The following PDLIM1 variants were observed in gnomAD, a reference collection of about 807,000 sequenced individuals.
PDLIM1 encodes the protein PDZ and LIM domain protein 1.
PDLIM1 carries 25 observed loss-of-function variants against 35.2 expected under a neutral mutation model. That is an observed-to-expected ratio of 0.71 (90% confidence interval 0.52 to 0.99). The LOEUF (loss-of-function observed/expected upper bound fraction) is 0.99. Among genes scored for constraint, PDLIM1 ranks in the 50% least tolerant of loss-of-function variants. PDLIM1 has a pLI of 0.00. For synonymous variants in PDLIM1, 152 were observed against 154.0 expected (o/e 0.99, Z 0.10); for missense variants, 363 against 415.3 (o/e 0.87, Z 1.09).
At position 95,238,637 on chromosome 10, in the gene PDLIM1, G is replaced by C. The variant is rs1422527014; in HGVS notation, c.734C>G (p.Thr245Ser). ...ATTTCCAATCGACGCAGCCACTTTA[G>C]TGACAGGAGCTTTAACACTTCTGAA... ...SGFRSVKAPV[T>S]KVAASIGNAQ... The change falls in exon 6 of 7, where the codon ACT becomes AGT. Residue 245 changes from threonine to serine, a missense_variant. Thr to Ser is a moderately conservative substitution (Grantham distance 58). Transcript: ENST00000329399. 1.2e-6 allele frequency: 2 copies of C among 1,614,128 alleles called. No individual in the cohort carries two copies. Among genetic ancestry groups the C allele is most frequent in the Non-Finnish European group, 1.7e-6 (2 of 1,179,968 alleles).
At chr10:95,245,806 C>CT (rs1400134396) in intron 5 of PDLIM1, among the ~76,000 whole-genome samples, 1 of 152,208 alleles carries the variant, frequency 6.6e-6, no homozygotes, top group South Asian at 2.1e-4. Flanking sequence ...CTGCCACTCT[C>CT]TCTAAAGAAA....
chr10:95,280,918 C>A (rs2035555779), intron 1 of PDLIM1, among the ~76,000 whole-genome samples: 1 of 152,154 alleles, frequency 6.6e-6, no homozygotes, highest in Admixed American at 6.5e-5. Context: ...CATCAGATCC[C>A]ATGGGGGCAG....
At chr10:95,260,238 T>G (rs2035348871) in intron 4 of PDLIM1, among the ~76,000 whole-genome samples, 1 of 152,212 alleles carries the variant, frequency 6.6e-6, no homozygotes, top group Admixed American at 6.5e-5. Flanking sequence ...TCAGAGATGT[T>G]ACATGGTTTT....
At chr10:95,256,985 A>AG (rs1564600662) in intron 4 of PDLIM1, among the ~76,000 whole-genome samples, 135 of 119,238 alleles carry the variant, frequency 1.1e-3, no homozygotes, top group Middle Eastern at 3.7e-3. Context: ...AAAAAAAAAA[A>AG]AAAAGAAAGA....
At chr10:95,268,706 T>C in intron 3 of PDLIM1, 72 bp downstream of exon 3, 2 of 933,408 alleles carry the variant, frequency 2.1e-6, no homozygotes, top group African/African-American at 1.6e-5. Context: ...AAAACAGGAA[T>C]GTGCTGAGCA....
rs71034327 is a variant in PDLIM1, at chr10:95,256,986, AAAAGAAAGAAAGAAAG to A, written c.533+6862_533+6877del. ...TGAGACTTCATCTTAAAAAAAAAAA[AAAAGAAAGAAAGAAAG>A]AAAGAAAGAAAGAAAGAAAGAAAGA... On this transcript the variant is annotated intron_variant, in intron 4 of 6. Transcript: ENST00000329399. Among the ~76,000 whole-genome samples the A allele has an allele frequency of 9.7e-5, 6 of 61,668 alleles. No individual in the cohort carries two copies. In the East Asian group the frequency reaches 1.3e-3, roughly 14 times the overall value. 40.5% of individuals were successfully genotyped at this position (61,668 alleles called of 152,430 possible). A position where few individuals can be genotyped will look rare whatever the true frequency, so the allele number is the denominator to read the frequency against.
Position 95,238,668 on chromosome 10 carries a change from AGGGC to A in PDLIM1, c.699_702del (p.Lys233AsnfsTer39). Reference sequence around the variant, plus strand: ...GGAGCTTTAACACTTCTGAATCCTGAGGGCTTGTTGGGATCCCCTGAAATGAGGA... The same window carrying A: ...GGAGCTTTAACACTTCTGAATCCTGATTGTTGGGATCCCCTGAAATGAGGA... On this transcript the variant is annotated frameshift_variant, in exon 6 of 7. Coordinates refer to ENST00000329399, the MANE Select transcript of PDLIM1 (RefSeq NM_020992.4). LOFTEE classifies it high-confidence loss of function. 1 of 1,612,838 alleles carries A rather than the reference AGGGC, an allele frequency of 6.2e-7. No homozygotes were observed. Among genetic ancestry groups the A allele is most frequent in the South Asian group, 1.1e-5 (1 of 91,044 alleles).
chr10:95,260,526 G>T (rs576494348), intron 4 of PDLIM1, among the ~76,000 whole-genome samples: 124 of 152,242 alleles, frequency 8.1e-4, no homozygotes, highest in Non-Finnish European at 1.4e-3. Flanking sequence ...AAAGGCCACT[G>T]AGGACCTCCC....
In PDLIM1 at chr10:95,237,681, G is replaced by C; in HGVS notation, c.*244C>G. 1 of 489,298 alleles carries C rather than the reference G, an allele frequency of 2.0e-6. No homozygotes were observed. The highest frequency in any genetic ancestry group is 3.3e-5 in the East Asian group (1 of 30,414). 30.3% of individuals were successfully genotyped at this position (489,298 alleles called of 1,614,324 possible). On this transcript the variant is annotated 3_prime_UTR_variant, in exon 7 of 7. Coordinates refer to ENST00000329399, the MANE Select transcript of PDLIM1 (RefSeq NM_020992.4). ...CAAATGCAGCAGAGAAGAACGGTGG[G>C]GCGAAGGGACACAGTGTTGCTGACA...
intron 1 of PDLIM1, among the ~76,000 whole-genome samples, chr10:95,279,731 T>C (rs867725699): frequency 3.3e-5 from 5 of 152,184 alleles, no homozygotes; most frequent in South Asian, 2.1e-4. Flanking sequence ...GTAAAATTAC[T>C]AAAGCAGAAA....
intron 4 of PDLIM1, among the ~76,000 whole-genome samples, chr10:95,256,369 A>G (rs1032413309): frequency 6.6e-6 from 1 of 152,200 alleles, no homozygotes; most frequent in Non-Finnish European, 1.5e-5. Context: ...AAAATCTCAA[A>G]GGATCCTAAA....
intron 1 of PDLIM1, among the ~76,000 whole-genome samples, chr10:95,281,613 C>G (rs144182131): frequency 1.1e-3 from 174 of 152,300 alleles, no homozygotes; most frequent in African/African-American, 4.0e-3. Context: ...TGTTGGTTAA[C>G]ACCCCTGAAA....
At chr10:95,289,770 C>T (rs2035635805) in intron 1 of PDLIM1, among the ~76,000 whole-genome samples, 1 of 152,230 alleles carries the variant, frequency 6.6e-6, no homozygotes, top group African/African-American at 2.4e-5. Flanking sequence ...GCAGATGAGC[C>T]CAAGAATGGA....
chr10:95,253,424 C>A (rs538470517), intron 4 of PDLIM1, among the ~76,000 whole-genome samples: 1 of 152,218 alleles, frequency 6.6e-6, no homozygotes, highest in South Asian at 2.1e-4. Flanking sequence ...ACCAGCCAGG[C>A]ATGGTGGCTC....
intron 4 of PDLIM1, among the ~76,000 whole-genome samples, chr10:95,256,006 A>G (rs2133419791): frequency 6.6e-6 from 1 of 152,262 alleles, no homozygotes; most frequent in East Asian, 1.9e-4. Context: ...AGTTGTTTCT[A>G]TACACTACCA....
intron 1 of PDLIM1, among the ~76,000 whole-genome samples, chr10:95,289,240 G>A (rs2035630514): frequency 6.6e-6 from 1 of 152,230 alleles, no homozygotes; most frequent in Non-Finnish European, 1.5e-5. Flanking sequence ...GAGTTGAAAT[G>A]TGCAGACACA....
At chr10:95,260,966 T>C (rs1463314186) in intron 4 of PDLIM1, among the ~76,000 whole-genome samples, 3 of 152,232 alleles carry the variant, frequency 2.0e-5, no homozygotes, top group Admixed American at 2.0e-4. Flanking sequence ...GCAGCTCCTC[T>C]GCCTTAGGCT....
At chr10:95,245,905 C>T (rs183624720) in intron 5 of PDLIM1, among the ~76,000 whole-genome samples, 4 of 152,268 alleles carry the variant, frequency 2.6e-5, no homozygotes, top group Admixed American at 1.3e-4. Context: ...GCTGAATCTT[C>T]GGCTGCGGAC....
intron 2 of PDLIM1, among the ~76,000 whole-genome samples, chr10:95,269,415 T>C (rs545547132): frequency 2.0e-5 from 3 of 151,758 alleles, no homozygotes; most frequent in South Asian, 4.2e-4. Context: ...CCACTAAAAA[T>C]ACAAAAATTA....
Sources: allele counts gnomAD v4.1 joint callset (sites outside exome capture counted in the v4.1 genomes callset), GRCh38; gene constraint gnomAD v4.1.1; transcripts MANE v1.5; gene names NCBI Gene and HGNC (gene_info 2026-07-23, HGNC 2026-07-21).